Variants in LCAT observed in about 807,000 individuals in gnomAD.
LCAT encodes the protein phosphatidylcholine-sterol acyltransferase.
Under a neutral mutation model 41.0 loss-of-function variants are expected in LCAT, and 15 were observed. That is an observed-to-expected ratio of 0.37 (90% confidence interval 0.24 to 0.56). The LOEUF (loss-of-function observed/expected upper bound fraction) is 0.56. Ranked by LOEUF, LCAT falls within the 20% of genes least tolerant of loss-of-function variation. The probability of loss-of-function intolerance (pLI) is 0.81; values close to 1 mark genes in which losing one functional copy is unlikely to be tolerated. For missense variants in LCAT, 449 were observed against 595.1 expected, an observed-to-expected ratio of 0.75 and a Z score of 2.55; for synonymous variants, 248 against 245.4, an observed-to-expected ratio of 1.01 and a Z score of -0.10.
chr16:67,941,651 A>C (rs1469964010), intron 5 of LCAT: 1 of 983,270 alleles, frequency 1.0e-6, no homozygotes, highest in Non-Finnish European at 1.2e-6. Context: ...CTTCCTGAGG[A>C]CCAGGGTGTG....
intron 5 of LCAT, 177 bp from the exon 6 acceptor site, chr16:67,940,655 C>A: frequency 9.0e-7 from 1 of 1,109,210 alleles, no homozygotes; most frequent in Non-Finnish European, 1.3e-6. Flanking sequence ...TCAGCTTACT[C>A]AATGAGAAGC....
At position 67,942,709 on chromosome 16, in the gene LCAT, G is replaced by A; in HGVS notation, c.485C>T (p.Thr162Ile). The A allele has an allele frequency of 6.2e-7, 1 of 1,612,878 alleles. No individual in the cohort carries two copies. Among genetic ancestry groups the A allele is most frequent in the Non-Finnish European group, 8.5e-7 (1 of 1,179,942 alleles). The stretch of plus-strand genomic sequence containing the variant: ...CCAGTCATAGGGGGCGGCGCGCACA[G>A]TCTCGTCCCGCACGTAGCCATTGTT... ...LVNNGYVRDETVRAAPYDWRL... is the reference protein window; with the variant it reads ...LVNNGYVRDEIVRAAPYDWRL... Residue 162 changes from threonine (T) to isoleucine (I), a missense_variant, in exon 4 of 6, where the codon ACT (threonine) becomes ATT (isoleucine). Physicochemically the swap from Thr to Ile is moderately conservative, Grantham distance 89 (BLOSUM62 -1). Coordinates refer to ENST00000264005, the MANE Select transcript of LCAT (RefSeq NM_000229.2). The surrounding 1 kb of genome is among the most constrained non-coding windows in gnomAD (Gnocchi z 6.6).
At chr16:67,940,586 C>T in intron 5 of LCAT, 108 bp from the exon 6 acceptor site, 1 of 1,523,692 alleles carries the variant, frequency 6.6e-7, no homozygotes, top group Non-Finnish European at 8.8e-7. Flanking sequence ...CCTGCCCAAT[C>T]TAGACACAGA....
chr16:67,942,290 C>A lies in LCAT; in HGVS notation c.748+73G>T. On this transcript the variant is annotated intron_variant, in intron 5 of 5. Coordinates refer to ENST00000264005, the MANE Select transcript of LCAT (RefSeq NM_000229.2). The surrounding 1 kb of genome is among the most constrained non-coding windows in gnomAD (Gnocchi z 6.6). ...CCCTAGAGGCCACTGTGAGCAGGAG[C>A]CGCAATGAAGGCAGGCCCAGGATCA... 1.3e-6 allele frequency: 2 copies of A among 1,504,814 alleles called. No homozygotes were observed. The highest frequency in any genetic ancestry group is 1.8e-6 in the Non-Finnish European group (2 of 1,089,018). 93.2% of individuals were successfully genotyped at this position (1,504,814 alleles called of 1,614,324 possible).
At position 67,944,082 on chromosome 16, in the gene LCAT, G is replaced by C. The variant is rs2058314154; in HGVS notation, c.20C>G (p.Pro7Arg). 3 of 1,547,978 alleles carry C rather than the reference G, an allele frequency of 1.9e-6. No individual in the cohort carries two copies. Among genetic ancestry groups the C allele is most frequent in the Non-Finnish European group, 2.6e-6 (3 of 1,146,342 alleles). Reference sequence around the variant, plus strand: ...CAGCAGCAGCGTCACCCACTGCCATGGGGAGCCGGGCGGCCCCATTCCAGC... The same window carrying C: ...CAGCAGCAGCGTCACCCACTGCCATCGGGAGCCGGGCGGCCCCATTCCAGC... MGPPGSPWQWVTLLLGL... is the reference protein window; with the variant it reads MGPPGSRWQWVTLLLGL... Residue 7 changes from proline (P) to arginine (R), a missense_variant, in exon 1 of 6, where the codon CCA becomes CGA. Coordinates refer to ENST00000264005, the MANE Select transcript of LCAT (RefSeq NM_000229.2). This position sits in a 1 kb window ranked among gnomAD's most constrained non-coding sequence, Gnocchi z 6.6.
chr16:67,940,279 G>A lies in LCAT; in HGVS notation c.948C>T (p.Tyr316=). The change falls in exon 6 of 6, where the codon TAC becomes TAT. Residue 316 remains tyrosine (Y), a synonymous_variant. Transcript: ENST00000264005. The part of the protein sequence containing the change: ...FADLHFEEGW[Y]MWLQSRDLLA... Reference sequence around the variant, plus strand: ...GGAGGTCACGTGACTGCAGCCACATGTACCAGCCTTCCTCAAAGTGCAGGT... The same window carrying A: ...GGAGGTCACGTGACTGCAGCCACATATACCAGCCTTCCTCAAAGTGCAGGT... 1 of 1,614,096 alleles carries A rather than the reference G, an allele frequency of 6.2e-7. No homozygotes were observed. Among genetic ancestry groups the A allele is most frequent in the Non-Finnish European group, 8.5e-7 (1 of 1,180,036 alleles).
chr16:67,943,043 C>G lies in LCAT; in HGVS notation c.311+13G>C, dbSNP rs200317296. 1.2e-6 allele frequency: 2 copies of G among 1,613,906 alleles called. No individual in the cohort carries two copies. Among genetic ancestry groups the G allele is most frequent in the Non-Finnish European group, 1.7e-6 (2 of 1,179,916 alleles). On this transcript the variant is annotated intron_variant, in intron 2 of 5. Transcript: ENST00000264005. The surrounding 1 kb of genome is among the most constrained non-coding windows in gnomAD (Gnocchi z 4.6). ...GCAGCGTGTTGGGGCTAGGGTGGAGCACATGGCTGTACCTGGTGTTATCGA... is the reference window on the plus strand; with the variant it reads ...GCAGCGTGTTGGGGCTAGGGTGGAGGACATGGCTGTACCTGGTGTTATCGA...
chr16:67,940,117 GTCA>G lies in LCAT; in HGVS notation c.1107_1109del (p.Asp370del), dbSNP rs1425021229. On this transcript the variant is annotated inframe_deletion, in exon 6 of 6. Coordinates refer to ENST00000264005, the MANE Select transcript of LCAT (RefSeq NM_000229.2). ...GCTCGGTGCTGCGGGTCGCCACCGT[GTCA>G]TCACCATCCTCATAGAGCACACCCA... The G allele has an allele frequency of 6.2e-7, 1 of 1,613,384 alleles. No homozygotes were observed. Among genetic ancestry groups the G allele is most frequent in the African/African-American group, 1.3e-5 (1 of 75,048 alleles).
In LCAT at chr16:67,940,835, C is replaced by CAA. The variant is rs1188151330; in HGVS notation, c.749-359_749-358dup. 180 of 79,648 alleles carry CAA rather than the reference C, an allele frequency of 2.3e-3. 1 individual carries two copies. Among genetic ancestry groups the CAA allele is most frequent in the African/African-American group, 4.4e-3 (88 of 20,210 alleles). The allele number at this position is 79,648 out of a possible 1,614,324, so 4.9% of individuals were successfully genotyped here. A position where few individuals can be genotyped will look rare whatever the true frequency, so the allele number is the denominator to read the frequency against. ...GCAATGCAGTGAGACCCTGTCTCTA[C>CAA]AAAAAAAAAAAAAAAAAAAATCAGC... On this transcript the variant is annotated intron_variant, in intron 5 of 5. Coordinates refer to ENST00000264005, the MANE Select transcript of LCAT (RefSeq NM_000229.2).
Position 67,940,763 on chromosome 16 carries a change from C to T in LCAT, c.749-285G>A, listed in dbSNP as rs183693878. The T allele has an allele frequency of 1.1e-3, 467 of 426,376 alleles. 3 individuals carry two copies. Among genetic ancestry groups the T allele is most frequent in the African/African-American group, 9.1e-3 (441 of 48,548 alleles). The allele number at this position is 426,376 out of a possible 1,614,324, so 26.4% of individuals were successfully genotyped here. A position where few individuals can be genotyped will look rare whatever the true frequency, so the allele number is the denominator to read the frequency against. ...CCTGTAATCCCAACACTTTGGGAGGCTGAGGCAGGAGGATCACTTGAGGCC... is the reference window on the plus strand; with the variant it reads ...CCTGTAATCCCAACACTTTGGGAGGTTGAGGCAGGAGGATCACTTGAGGCC... On this transcript the variant is annotated intron_variant, in intron 5 of 5. Transcript: ENST00000264005.
chr16:67,942,807 T>G lies in LCAT; in HGVS notation c.428-41A>C. ...CAGCACCGGGGGCTTGGGCCATGCC[T>G]GCTGTGGGCCAGCACCCAGGCCTGG... On this transcript the variant is annotated intron_variant, in intron 3 of 5. Transcript: ENST00000264005. The surrounding 1 kb of genome is among the most constrained non-coding windows in gnomAD (Gnocchi z 6.6). 1 of 1,612,112 alleles carries G rather than the reference T, an allele frequency of 6.2e-7. No individual in the cohort carries two copies. Among genetic ancestry groups the G allele is most frequent in the Middle Eastern group, 1.7e-4 (1 of 6,060 alleles).
At position 67,940,384 on chromosome 16, in the gene LCAT, C is replaced by T; in HGVS notation, c.843G>A (p.Met281Ile). The T allele has an allele frequency of 6.2e-7, 1 of 1,614,150 alleles. No individual in the cohort carries two copies. The highest frequency in any genetic ancestry group is 8.5e-7 in the Non-Finnish European group (1 of 1,180,028). ...TTSPWMFPSR[M>I]AWPEDHVFIS... ...TGAACACGTGGTCCTCAGGCCACGC[C>T]ATGCGAGAGGGAAACATCCAGGGGG... The change falls in exon 6 of 6, where the codon ATG becomes ATA. Residue 281 changes from methionine (M) to isoleucine (I), a missense_variant. Physicochemically the swap from Met to Ile is conservative, Grantham distance 10. Coordinates refer to ENST00000264005, the MANE Select transcript of LCAT (RefSeq NM_000229.2).
rs749740660 is a variant in LCAT at position 67,942,573 on chromosome 16, A to T, written c.538T>A (p.Tyr180Asn). The T allele has an allele frequency of 1.6e-5, 25 of 1,612,766 alleles. No individual in the cohort carries two copies. Among genetic ancestry groups the T allele is most frequent in the Non-Finnish European group, 2.1e-5 (25 of 1,179,844 alleles). ...WRLEPGQQEE[Y>N]YRKLAGLVEE... ...ACCAGCCCTGCGAGCTTGCGGTAGT[A>T]CTCCTCCTGCTGGCCTGCAGCGGGT... Residue 180 changes from tyrosine (Y) to asparagine (N), a missense_variant, in exon 5 of 6, where the codon TAC (tyrosine) becomes AAC (asparagine). Transcript: ENST00000264005. This position sits in a 1 kb window ranked among gnomAD's most constrained non-coding sequence, Gnocchi z 6.6.
Position 67,942,349 on chromosome 16 carries a change from C to G in LCAT, c.748+14G>C, listed in dbSNP as rs200840812. 1.9e-6 allele frequency: 3 copies of G among 1,612,884 alleles called. No homozygotes were observed. The highest frequency in any genetic ancestry group is 2.2e-5 in the East Asian group (1 of 44,882). On this transcript the variant is annotated intron_variant, in intron 5 of 5. Transcript: ENST00000264005. This position sits in a 1 kb window ranked among gnomAD's most constrained non-coding sequence, Gnocchi z 6.6. The stretch of plus-strand genomic sequence containing the variant: ...TCACCCATCGCTGGACCTAAGTGTT[C>G]GAGGCCTTCTCACCTGAGGCCAAGA...
At position 67,942,854 on chromosome 16, in the gene LCAT, C is replaced by T; in HGVS notation, c.427+7G>A. The T allele has an allele frequency of 1.2e-6, 2 of 1,613,550 alleles. No individual in the cohort carries two copies. The highest frequency in any genetic ancestry group is 1.1e-5 in the South Asian group (1 of 91,090). On this transcript the variant is annotated splice_region_variant and intron_variant, in intron 3 of 5. Coordinates refer to ENST00000264005, the MANE Select transcript of LCAT (RefSeq NM_000229.2). The surrounding 1 kb of genome is among the most constrained non-coding windows in gnomAD (Gnocchi z 6.6). ...CTGGAGCCCCAGCCCTGCCCTCTGA[C>T]ACAAACCTGCCAGCTTGCTGCTGTC...
chr16:67,942,558 C>T lies in LCAT; in HGVS notation c.553G>A (p.Ala185Thr), dbSNP rs371357042. The change falls in exon 5 of 6, where the codon GCA becomes ACA. Residue 185 changes from alanine (A) to threonine (T), a missense_variant. Coordinates refer to ENST00000264005, the MANE Select transcript of LCAT (RefSeq NM_000229.2). This position sits in a 1 kb window ranked among gnomAD's most constrained non-coding sequence, Gnocchi z 6.6. ...GCGTGCATCTCCTCCACCAGCCCTGCGAGCTTGCGGTAGTACTCCTCCTGC... is the reference window on the plus strand; with the variant it reads ...GCGTGCATCTCCTCCACCAGCCCTGTGAGCTTGCGGTAGTACTCCTCCTGC... ...GQQEEYYRKLAGLVEEMHAAY... is the reference protein window; with the variant it reads ...GQQEEYYRKLTGLVEEMHAAY... 8 of 1,613,396 alleles carry T rather than the reference C, an allele frequency of 5.0e-6. No homozygotes were observed. Among genetic ancestry groups the T allele is most frequent in the South Asian group, 1.1e-5 (1 of 91,092 alleles).
rs121908049 is a variant in LCAT at position 67,940,471 on chromosome 16, G to T, written c.756C>A (p.Asn252Lys). ...KPMLVLASGD[N>K]QGIPIMSSIK... is the part of the protein sequence containing the mutation. ...TGCTGGACATGATGGGGATGCCCTG[G>T]TTGTCACCTGTGGATATGGAGCAAG... Residue 252 changes from asparagine to lysine, a missense_variant, in exon 6 of 6, where the codon AAC (asparagine) becomes AAA (lysine). By Grantham distance (94) the Asn-to-Lys change is moderately conservative (BLOSUM62 0). Coordinates refer to ENST00000264005, the MANE Select transcript of LCAT (RefSeq NM_000229.2). 1 of 1,613,926 alleles carries T rather than the reference G, an allele frequency of 6.2e-7. No individual in the cohort carries two copies. Among genetic ancestry groups the T allele is most frequent in the Non-Finnish European group, 8.5e-7 (1 of 1,179,940 alleles).
intron 5 of LCAT, chr16:67,941,668 T>C (rs2058291472): frequency 4.0e-6 from 4 of 989,916 alleles, no homozygotes; most frequent in Non-Finnish European, 4.8e-6. Context: ...TGTGTGGGGA[T>C]GGTGGGTGAG....
At chr16:67,941,281 GA>G (rs1483874188) in intron 5 of LCAT, 1 of 152,150 alleles carries the variant, frequency 6.6e-6, no homozygotes, top group East Asian at 1.9e-4. Context: ...TCCAGCCTGG[GA>G]AACAGAGCGA....
Sources: gnomAD v4.1 joint callset for allele counts on GRCh38, gnomAD v4.1.1 for gene constraint, Gnocchi (gnomAD v3.1) non-coding constraint, MANE v1.5 for transcripts, NCBI Gene and HGNC (gene_info 2026-07-23, HGNC 2026-07-21) for gene names.